ENTPD7: variants seen among roughly 807,000 people sequenced by gnomAD.
The protein encoded by ENTPD7 is NTPDase 7.
In ENTPD7, 53 loss-of-function variants were observed where a neutral mutation model predicts 77.9. That is an observed-to-expected ratio of 0.68 (90% CI 0.55 to 0.85). The LOEUF (loss-of-function observed/expected upper bound fraction) is 0.85. Among genes scored for constraint, ENTPD7 ranks in the 40% least tolerant of loss-of-function variants. The probability of loss-of-function intolerance (pLI) is 0.00; values close to 1 mark genes in which losing one functional copy is unlikely to be tolerated. For synonymous variants in ENTPD7, 248 were observed against 274.9 expected, an observed-to-expected ratio of 0.90 and a Z score of 0.97; for missense variants, 636 against 743.7, an observed-to-expected ratio of 0.86 and a Z score of 1.68.
chr10:99,688,625 C>G, intron 6 of ENTPD7, 69 bp from the exon 7 acceptor site: 1 of 1,452,288 alleles, frequency 6.9e-7, no homozygotes, highest in South Asian at 1.2e-5. Flanking sequence ...AAGAGAAGCC[C>G]TAAGGGAGAG....
chr10:99,694,259 C>T (rs544351899), intron 8 of ENTPD7, among the ~76,000 whole-genome samples: 11 of 152,250 alleles, frequency 7.2e-5, no homozygotes, highest in South Asian at 2.1e-4. Flanking sequence ...TTGCCTATTC[C>T]GGACATTTTG....
At chr10:99,689,577 A>C (rs1343782292) in intron 7 of ENTPD7, among the ~76,000 whole-genome samples, 1 of 152,228 alleles carries the variant, frequency 6.6e-6, no homozygotes, top group Non-Finnish European at 1.5e-5. Flanking sequence ...TCCATCTGCA[A>C]GACTAAATCA....
intron 9 of ENTPD7, 91 bp from the exon 10 acceptor site, chr10:99,698,443 A>G: frequency 1.6e-6 from 2 of 1,253,786 alleles, no homozygotes; most frequent in East Asian, 2.4e-5. Context: ...ACCAGTAGTA[A>G]GATATTTCTG....
chr10:99,667,006 G>A (rs1470936356), intron 3 of ENTPD7, among the ~76,000 whole-genome samples: 3 of 152,214 alleles, frequency 2.0e-5, no homozygotes, highest in Non-Finnish European at 2.9e-5. Context: ...GCATTTAAAT[G>A]TATGTGGGTG....
Position 99,706,719 on chromosome 10 carries a change from T to C in ENTPD7, c.*2036T>C, listed in dbSNP as rs1363178741. Among the ~76,000 whole-genome samples the C allele has an allele frequency of 1.3e-5, 2 of 152,104 alleles. No homozygotes were observed. The highest frequency in any genetic ancestry group is 2.9e-5 in the Non-Finnish European group (2 of 67,974). ...TGGTTTTTAAGACTTCTACATTGCT[T>C]TTTCTTTTATTATCTGTGCTCCGTG... On this transcript the variant is annotated 3_prime_UTR_variant, in exon 13 of 13. Coordinates refer to ENST00000370489, the MANE Select transcript of ENTPD7 (RefSeq NM_020354.5).
chr10:99,700,414 A>ATGTG (rs66525481), intron 10 of ENTPD7, among the ~76,000 whole-genome samples: 38 of 9,816 alleles, frequency 3.9e-3, no homozygotes, highest in Non-Finnish European at 7.8e-3. Context: ...GTGTGTGTGT[A>ATGTG]TGTGTGTGTG....
intron 3 of ENTPD7, among the ~76,000 whole-genome samples, chr10:99,675,141 A>C (rs2035664796): frequency 6.6e-6 from 1 of 152,218 alleles, no homozygotes; most frequent in Non-Finnish European, 1.5e-5. Flanking sequence ...ATTTCCTTGA[A>C]AATGAGTGAA....
At chr10:99,660,184 C>T (rs2035460354) in intron 2 of ENTPD7, 1 of 601,190 alleles carries the variant, frequency 1.7e-6, no homozygotes, top group African/African-American at 2.0e-5. Context: ...AGTGAGTCGG[C>T]TTGCTCAGCT....
At chr10:99,671,600 G>A (rs1003837250) in intron 3 of ENTPD7, among the ~76,000 whole-genome samples, 3 of 152,194 alleles carry the variant, frequency 2.0e-5, no homozygotes, top group African/African-American at 4.8e-5. Flanking sequence ...TATGCAGTGC[G>A]TGACTGTGTA....
In ENTPD7 at chr10:99,706,987, C is replaced by T. The variant is rs142076399; in HGVS notation, c.*2304C>T. Among the ~76,000 whole-genome samples the T allele has an allele frequency of 8.4e-3, 1,275 of 152,284 alleles. 8 individuals carry two copies. The highest frequency in any genetic ancestry group is 0.015 in the Non-Finnish European group (997 of 68,012). ...TTTGAAAGCTCTTATTAGTATTCTT[C>T]ATCCTGGCTGTAATAATAGCCATTA... is the stretch of plus-strand genomic sequence containing the variant. On this transcript the variant is annotated 3_prime_UTR_variant, in exon 13 of 13. Coordinates refer to ENST00000370489, the MANE Select transcript of ENTPD7 (RefSeq NM_020354.5).
At chr10:99,674,124 A>G (rs118116276) in intron 3 of ENTPD7, among the ~76,000 whole-genome samples, 8 of 152,316 alleles carry the variant, frequency 5.3e-5, no homozygotes, top group Non-Finnish European at 8.8e-5. Context: ...CTGAGAAGCC[A>G]TGTCCAAGGA....
chr10:99,688,608 AAG>A, intron 6 of ENTPD7, 84 bp from the exon 7 acceptor site: 1 of 1,209,460 alleles, frequency 8.3e-7, no homozygotes, highest in Non-Finnish European at 1.1e-6. Context: ...TTCCAAGAAA[AAG>A]AGGAAAGAGA....
chr10:99,680,691 A>G (rs775465119), intron 5 of ENTPD7, among the ~76,000 whole-genome samples: 5 of 151,634 alleles, frequency 3.3e-5, no homozygotes, highest in Non-Finnish European at 7.4e-5. Flanking sequence ...GGCCCAAGTG[A>G]TCCTCCCACC....
At chr10:99,660,069 A>G in intron 2 of ENTPD7, 105 bp downstream of exon 2, 1 of 1,546,114 alleles carries the variant, frequency 6.5e-7, no homozygotes, top group Admixed American at 1.8e-5. Context: ...CTGGAGCTGC[A>G]CTTGGACTTT....
chr10:99,706,752 T>G lies in ENTPD7; in HGVS notation c.*2069T>G, dbSNP rs2036261797. On this transcript the variant is annotated 3_prime_UTR_variant, in exon 13 of 13. Transcript: ENST00000370489. ...TATTATCTGTGCTCCGTGAACCTTA[T>G]GAATGCTGCTTAAAAATAATGTCAA... Among the ~76,000 whole-genome samples, 1 of 152,228 alleles carries G rather than the reference T, an allele frequency of 6.6e-6. No individual in the cohort carries two copies. The highest frequency in any genetic ancestry group is 2.1e-4 in the South Asian group (1 of 4,838).
intron 5 of ENTPD7, among the ~76,000 whole-genome samples, chr10:99,683,732 T>A (rs2035779952): frequency 6.6e-6 from 1 of 152,218 alleles, no homozygotes. Flanking sequence ...TAAAATGTAT[T>A]GGACATCTCT....
At chr10:99,700,369 G>A (rs2036088731) in intron 10 of ENTPD7, among the ~76,000 whole-genome samples, 1 of 151,018 alleles carries the variant, frequency 6.6e-6, no homozygotes, top group Non-Finnish European at 1.5e-5. Flanking sequence ...ATTTTTCCCT[G>A]AGCATTTATG....
At chr10:99,690,721 T>C (rs1193556355) in intron 7 of ENTPD7, among the ~76,000 whole-genome samples, 1 of 151,864 alleles carries the variant, frequency 6.6e-6, no homozygotes, top group African/African-American at 2.4e-5. Flanking sequence ...TTTTGTGTTT[T>C]AGTAGAGACA....
At position 99,679,695 on chromosome 10, in the gene ENTPD7, G is replaced by A. The variant is rs200518448; in HGVS notation, c.398-30G>A. ...TTATGTGAGCCGCTTTTTAAAGAAA[G>A]TTTTGTCTGTTTGTTTGTTTTAACT... On this transcript the variant is annotated intron_variant, in intron 4 of 12. Transcript: ENST00000370489. 3,958 of 1,591,290 alleles carry A rather than the reference G, an allele frequency of 2.5e-3. 4 individuals carry two copies. Among genetic ancestry groups the A allele is most frequent in the Non-Finnish European group, 3.2e-3 (3,691 of 1,170,912 alleles).
Sources: allele counts gnomAD v4.1 joint callset (sites outside exome capture counted in the v4.1 genomes callset), GRCh38; gene constraint gnomAD v4.1.1; transcripts MANE v1.5; gene names NCBI Gene and HGNC (gene_info 2026-07-23, HGNC 2026-07-21).